The following DGKB variants were observed in gnomAD, a reference collection of about 807,000 sequenced individuals.
DGKB encodes diacylglycerol kinase beta, also known as 90 kDa diacylglycerol kinase.
Under a neutral mutation model 114.3 loss-of-function variants are expected in DGKB, and 67 were observed. The observed-to-expected ratio is 0.59, with a 90% CI of 0.48 to 0.72. The LOEUF (loss-of-function observed/expected upper bound fraction) is 0.72, where lower values mean the gene tolerates loss of function less well. Among genes scored for constraint, DGKB ranks in the 30% least tolerant of loss-of-function variants. DGKB has a pLI of 0.00. For synonymous variants in DGKB, 398 were observed against 323.1 expected (o/e 1.23, Z -2.49); for missense variants, 907 against 975.2 (o/e 0.93, Z 0.93).
chr7:14,730,632 C>T (rs567645394), intron 5 of DGKB, among the ~76,000 whole-genome samples: 4 of 152,116 alleles, frequency 2.6e-5, no homozygotes, highest in South Asian at 4.1e-4. Context: ...CTATAGCCTA[C>T]GTGACATGGT....
At chr7:14,461,683 G>C (rs943303287) in intron 21 of DGKB, among the ~76,000 whole-genome samples, 4 of 152,128 alleles carry the variant, frequency 2.6e-5, no homozygotes, top group African/African-American at 4.8e-5. Context: ...GGTATGAAGA[G>C]GAGTTGGTAT....
intron 1 of DGKB, among the ~76,000 whole-genome samples, chr7:14,890,801 G>T (rs1010822290): frequency 8.0e-5 from 12 of 149,492 alleles, no homozygotes; most frequent in Non-Finnish European, 1.8e-4. Context: ...CGAAAATAAC[G>T]TTCATCCCTC....
intron 23 of DGKB, among the ~76,000 whole-genome samples, chr7:14,215,275 G>A (rs573856487): frequency 6.6e-6 from 1 of 152,216 alleles, no homozygotes; most frequent in South Asian, 2.1e-4. Flanking sequence ...ATGCATGTGA[G>A]TCAAGGTGAT....
intron 23 of DGKB, among the ~76,000 whole-genome samples, chr7:14,185,803 T>C (rs189689871): frequency 6.6e-6 from 1 of 152,258 alleles, no homozygotes; most frequent in African/African-American, 2.4e-5. Context: ...GCTGGGATAA[T>C]TGGCTAGCCA....
chr7:14,796,846 AG>A (rs1248893738), intron 2 of DGKB, among the ~76,000 whole-genome samples: 3 of 152,204 alleles, frequency 2.0e-5, no homozygotes, highest in Non-Finnish European at 1.5e-5. Flanking sequence ...CAATTTTGCA[AG>A]AATTTTGATA....
rs368418801 is a variant in DGKB, at chr7:14,744,575, G to T, written c.169-8381C>A. 4.6e-5 allele frequency among the ~76,000 whole-genome samples: 7 copies of T among 152,122 alleles called. No individual in the cohort carries two copies. In the East Asian group the frequency reaches 7.7e-4, roughly 17 times the overall value. ...GAGGGTGCTAACCCATGGCTGGGCT[G>T]GGCTTTCCAAAGTCCTATCTGAGAT... On this transcript the variant is annotated intron_variant, in intron 4 of 25. Transcript: ENST00000402815.
intron 21 of DGKB, among the ~76,000 whole-genome samples, chr7:14,446,686 A>T (rs1830765838): frequency 6.6e-6 from 1 of 152,172 alleles, no homozygotes; most frequent in South Asian, 2.1e-4. Context: ...TTTGTATGAA[A>T]AGAAGTGTTT....
chr7:14,451,216 T>C (rs1280808905), intron 21 of DGKB, among the ~76,000 whole-genome samples: 1 of 152,098 alleles, frequency 6.6e-6, no homozygotes, highest in Non-Finnish European at 1.5e-5. Flanking sequence ...AGATCACCAT[T>C]TGAATTGGTA....
intron 21 of DGKB, among the ~76,000 whole-genome samples, chr7:14,466,069 T>C (rs10499441): frequency 0.37 from 56,636 of 152,028 alleles, 10,979 homozygotes; most frequent in Admixed American, 0.48. Flanking sequence ...ATTTCAAGTG[T>C]ACATCTACTT....
At chr7:14,842,264 A>G (rs532077700) in intron 1 of DGKB, among the ~76,000 whole-genome samples, 1 of 152,326 alleles carries the variant, frequency 6.6e-6, no homozygotes, top group East Asian at 1.9e-4. Flanking sequence ...CCTTACTTCT[A>G]CAGACAAGAC....
chr7:14,551,481 T>C (rs1439553269), intron 20 of DGKB, among the ~76,000 whole-genome samples: 3 of 152,204 alleles, frequency 2.0e-5, no homozygotes, highest in African/African-American at 4.8e-5. Context: ...TGCTGACTTC[T>C]GTGTTGAAGA....
chr7:14,953,170 AC>A (rs1382098640), intron 1 of DGKB, among the ~76,000 whole-genome samples: 1 of 152,094 alleles, frequency 6.6e-6, no homozygotes, highest in African/African-American at 2.4e-5. Context: ...TAGATACTTT[AC>A]TAAAACATAA....
chr7:14,264,872 T>C (rs1237905764), intron 23 of DGKB, among the ~76,000 whole-genome samples: 1 of 151,968 alleles, frequency 6.6e-6, no homozygotes, highest in South Asian at 2.1e-4. Flanking sequence ...AAAATGGGGG[T>C]TGTTGTTTTA....
chr7:14,733,475 C>A (rs768154374), intron 5 of DGKB, among the ~76,000 whole-genome samples: 1 of 152,034 alleles, frequency 6.6e-6, no homozygotes, highest in Non-Finnish European at 1.5e-5. Flanking sequence ...TTGCTTGAGG[C>A]CAGGCATTCG....
chr7:14,680,288 A>G (rs541847352), intron 12 of DGKB, among the ~76,000 whole-genome samples: 46 of 152,042 alleles, frequency 3.0e-4, no homozygotes, highest in Non-Finnish European at 3.5e-4. Flanking sequence ...GTGCTTTGCC[A>G]TAATGACAAA....
At chr7:14,970,145 T>C (rs535161176) in intron 1 of DGKB, among the ~76,000 whole-genome samples, 1 of 152,284 alleles carries the variant, frequency 6.6e-6, no homozygotes, top group East Asian at 1.9e-4. Context: ...ATGACTTCAA[T>C]CATTCATTAT....
At chr7:14,184,300 C>G (rs1221524619) in intron 23 of DGKB, among the ~76,000 whole-genome samples, 2 of 152,162 alleles carry the variant, frequency 1.3e-5, no homozygotes, top group Non-Finnish European at 2.9e-5. Context: ...CTGGCTAGAA[C>G]TCAGGAGAGG....
At chr7:14,955,593 C>T (rs2115250153) in intron 1 of DGKB, among the ~76,000 whole-genome samples, 1 of 152,110 alleles carries the variant, frequency 6.6e-6, no homozygotes, top group Middle Eastern at 3.4e-3. Flanking sequence ...TCAGTTTAAG[C>T]AAAGCCTAAA....
chr7:14,309,301 ATAG>A (rs1804985744), intron 23 of DGKB, among the ~76,000 whole-genome samples: 1 of 152,212 alleles, frequency 6.6e-6, no homozygotes, highest in African/African-American at 2.4e-5. Context: ...TGGTTAGCAC[ATAG>A]TAGATCTCCA....
Sources: allele counts gnomAD v4.1 joint callset (sites outside exome capture counted in the v4.1 genomes callset), GRCh38; gene constraint gnomAD v4.1.1; transcripts MANE v1.5; gene names NCBI Gene and HGNC (gene_info 2026-07-23, HGNC 2026-07-21).